AGAP1: variants seen among roughly 807,000 people sequenced by gnomAD.
The protein encoded by AGAP1 is arf-GAP with GTPase, ANK repeat and PH domain-containing protein 1.
A neutral mutation model predicts 105.3 loss-of-function variants in AGAP1; 29 were observed. That is an observed-to-expected ratio of 0.28 (90% confidence interval 0.21 to 0.38). The LOEUF is 0.38. Ranked by LOEUF, AGAP1 falls within the 10% of genes least tolerant of loss-of-function variation. The pLI is 1.00. For missense variants in AGAP1, 998 were observed against 1,165.1 expected, an observed-to-expected ratio of 0.86 and a Z score of 2.09; for synonymous variants, 509 against 485.9, an observed-to-expected ratio of 1.05 and a Z score of -0.63.
At chr2:235,818,100 C>T (rs541932523) in intron 9 of AGAP1, among the ~76,000 whole-genome samples, 11 of 152,328 alleles carry the variant, frequency 7.2e-5, no homozygotes, top group African/African-American at 2.6e-4. Flanking sequence ...TTTCCTTCTG[C>T]TTAAAAACTC....
At chr2:235,817,609 G>A (rs1035329637) in intron 9 of AGAP1, among the ~76,000 whole-genome samples, 1 of 152,124 alleles carries the variant, frequency 6.6e-6, no homozygotes, top group East Asian at 1.9e-4. Context: ...GTTAGTTTTA[G>A]GTTGGGTGCG....
chr2:235,497,148 C>T (rs1218924739), intron 1 of AGAP1, among the ~76,000 whole-genome samples: 1 of 152,174 alleles, frequency 6.6e-6, no homozygotes, highest in Admixed American at 6.5e-5. Context: ...GTAGCTTCCT[C>T]ATCCTCATTT....
intron 1 of AGAP1, among the ~76,000 whole-genome samples, chr2:235,590,713 G>GTGCA (rs67433499): frequency 5.7e-5 from 2 of 35,132 alleles, no homozygotes; most frequent in Non-Finnish European, 6.5e-5. Flanking sequence ...GTGTGTGTGT[G>GTGCA]CATTTTTTTT....
chr2:236,084,171 G>C (rs188432266), intron 16 of AGAP1, among the ~76,000 whole-genome samples: 5 of 152,082 alleles, frequency 3.3e-5, no homozygotes, highest in African/African-American at 1.2e-4. Flanking sequence ...GGGAGGCCCC[G>C]GTGGGGAACA....
intron 1 of AGAP1, among the ~76,000 whole-genome samples, chr2:235,594,453 T>G (rs34181434): frequency 0.15 from 22,306 of 152,080 alleles, 1,935 homozygotes; most frequent in Admixed American, 0.2. Context: ...CTTTTGGCTT[T>G]CTTTCTTCTG....
chr2:235,532,227 G>T (rs553399926), intron 1 of AGAP1, among the ~76,000 whole-genome samples: 1 of 152,148 alleles, frequency 6.6e-6, no homozygotes, highest in South Asian at 2.1e-4. Context: ...TAGCTTTTTA[G>T]TTTTTTTCTA....
intron 6 of AGAP1, among the ~76,000 whole-genome samples, chr2:235,766,907 A>ATTTTTTTTTTTTTTTTTTTTTTT: frequency 9.1e-6 from 1 of 109,950 alleles, no homozygotes; most frequent in Non-Finnish European, 1.8e-5. Flanking sequence ...ACACCGGCTA[A>ATTTTTTTTTTTTTTTTTTTTTTT]TTTTTTTTTT....
At chr2:236,116,564 G>T (rs963820499) in intron 16 of AGAP1, among the ~76,000 whole-genome samples, 9 of 151,952 alleles carry the variant, frequency 5.9e-5, no homozygotes, top group Admixed American at 5.9e-4. Flanking sequence ...GGCCAGGCTG[G>T]TCTCAAACTC....
rs192611594 is a variant in AGAP1 at position 236,035,632 on chromosome 2, T to A, written c.1646-929T>A. 6.6e-6 allele frequency among the ~76,000 whole-genome samples: 1 copy of A among 152,260 alleles called. No homozygotes were observed. Among genetic ancestry groups the A allele is most frequent in the East Asian group, 1.9e-4 (1 of 5,168 alleles). On this transcript the variant is annotated intron_variant, in intron 13 of 17. Transcript: ENST00000304032. This position sits in a 1 kb window ranked among gnomAD's most constrained non-coding sequence, Gnocchi z 4.2. ...AAGTGGGACTCCATCTCAAAAACAG[T>A]TCTTCGTGGTTGTATGCAATTAGTT...
rs1352598150 is a variant in AGAP1 at position 235,700,971 on chromosome 2, T to C, written c.164-8208T>C. On this transcript the variant is annotated intron_variant, in intron 1 of 17. Coordinates refer to ENST00000304032, the MANE Select transcript of AGAP1 (RefSeq NM_001037131.3). The surrounding 1 kb of genome is among the most constrained non-coding windows in gnomAD (Gnocchi z 6.1). The stretch of plus-strand genomic sequence containing the variant: ...ATATATATATTATGTATTATGTATA[T>C]ATTATATATGTATATATTATATATG... Among the ~76,000 whole-genome samples the C allele has an allele frequency of 9.6e-5, 14 of 145,474 alleles. No individual in the cohort carries two copies. The highest frequency in any genetic ancestry group is 1.6e-4 in the Non-Finnish European group (11 of 67,116).
intron 8 of AGAP1, among the ~76,000 whole-genome samples, chr2:235,802,979 T>TGTGATGATGGTTGTGATTGTGGTGATG (rs1957608083): frequency 8.8e-3 from 33 of 3,732 alleles, no homozygotes; most frequent in Non-Finnish European, 0.014. Flanking sequence ...TGGTTGTGGT[T>TGTGATGATGGTTGTGATTGTGGTGATG]GTGATGGTTG....
intron 1 of AGAP1, among the ~76,000 whole-genome samples, chr2:235,516,686 A>G (rs997046455): frequency 6.6e-6 from 1 of 152,132 alleles, no homozygotes; most frequent in Non-Finnish European, 1.5e-5. Context: ...TCATACCTGG[A>G]GACCCTGGGA....
At chr2:235,911,239 C>T (rs182785714) in intron 11 of AGAP1, among the ~76,000 whole-genome samples, 28 of 152,220 alleles carry the variant, frequency 1.8e-4, no homozygotes, top group African/African-American at 5.3e-4. Context: ...TCACAGTTCC[C>T]GCCTTCAGGA....
rs116702411 is a variant in AGAP1 at position 236,092,934 on chromosome 2, G to A, written c.2115-27258G>A. 0.019 allele frequency among the ~76,000 whole-genome samples: 2,845 copies of A among 152,282 alleles called. 43 individuals are homozygous for A. The highest frequency in any genetic ancestry group is 0.044 in the Middle Eastern group (13 of 294). On this transcript the variant is annotated intron_variant, in intron 16 of 17. Transcript: ENST00000304032. This position sits in a 1 kb window ranked among gnomAD's most constrained non-coding sequence, Gnocchi z 4.7. ...AGATGCCGCAGACAGAAACAGGAGCGGCTCCAGGCCTCCCACTGGCCAAAT... is the reference window on the plus strand; with the variant it reads ...AGATGCCGCAGACAGAAACAGGAGCAGCTCCAGGCCTCCCACTGGCCAAAT...
At chr2:235,505,195 AG>A (rs1191815238) in intron 1 of AGAP1, among the ~76,000 whole-genome samples, 3 of 152,236 alleles carry the variant, frequency 2.0e-5, no homozygotes, top group Non-Finnish European at 4.4e-5. Context: ...AGCATTATTC[AG>A]TTTTTGTTGT....
At chr2:235,680,562 G>A (rs1183055603) in intron 1 of AGAP1, among the ~76,000 whole-genome samples, 1 of 152,082 alleles carries the variant, frequency 6.6e-6, no homozygotes, top group East Asian at 1.9e-4. Flanking sequence ...GGGAGGCACC[G>A]AGAGCAGGAG....
At chr2:235,657,814 A>G (rs1947822620) in intron 1 of AGAP1, among the ~76,000 whole-genome samples, 1 of 152,194 alleles carries the variant, frequency 6.6e-6, no homozygotes, top group African/African-American at 2.4e-5. Context: ...GGTTCTTTAA[A>G]GAGGTGATTG....
chr2:235,858,422 TTAAGA>T (rs1293705557), intron 9 of AGAP1, among the ~76,000 whole-genome samples: 2 of 152,212 alleles, frequency 1.3e-5, no homozygotes, highest in African/African-American at 2.4e-5. Flanking sequence ...CCTGTTTTAT[TTAAGA>T]TAAGACATTG....
At chr2:235,521,424 CTCTT>C (rs953182384) in intron 1 of AGAP1, among the ~76,000 whole-genome samples, 9 of 147,076 alleles carry the variant, frequency 6.1e-5, no homozygotes, top group African/African-American at 1.0e-4. Flanking sequence ...CAAAGACTCT[CTCTT>C]TGTCACTTTT....
Sources: gnomAD v4.1 joint callset for allele counts (sites outside exome capture counted in the v4.1 genomes callset) on GRCh38, gnomAD v4.1.1 for gene constraint, Gnocchi (gnomAD v3.1) non-coding constraint, MANE v1.5 for transcripts, NCBI Gene and HGNC (gene_info 2026-07-23, HGNC 2026-07-21) for gene names.